The following PCDHA12 variants were observed in gnomAD, a reference collection of about 807,000 sequenced individuals.
The protein encoded by PCDHA12 is protocadherin alpha 12.
In PCDHA12, 44 loss-of-function variants were observed where a neutral mutation model predicts 60.0. The observed-to-expected ratio is 0.73, with a 90% CI of 0.58 to 0.94. The LOEUF (loss-of-function observed/expected upper bound fraction) is 0.94. Ranked by LOEUF, PCDHA12 falls within the 40% of genes least tolerant of loss-of-function variation. The probability of loss-of-function intolerance (pLI) is 0.00; values close to 1 mark genes in which losing one functional copy is unlikely to be tolerated. For missense variants in PCDHA12, 1,276 were observed against 1,239.7 expected (o/e 1.03, Z -0.44); for synonymous variants, 569 against 553.0 (o/e 1.03, Z -0.40).
chr5:140,917,724 G>C (rs2078325058), intron 1 of PCDHA12, among the ~76,000 whole-genome samples: 1 of 152,080 alleles, frequency 6.6e-6, no homozygotes, highest in East Asian at 1.9e-4. Flanking sequence ...CTTTATTTCT[G>C]GGTTCTCTAA....
intron 1 of PCDHA12, among the ~76,000 whole-genome samples, chr5:140,978,254 A>T (rs2096794173): frequency 6.6e-6 from 1 of 152,228 alleles, no homozygotes; most frequent in Non-Finnish European, 1.5e-5. Context: ...TCCCTGTTAA[A>T]CAATCAGAGC....
intron 2 of PCDHA12, among the ~76,000 whole-genome samples, chr5:140,979,303 C>A (rs1048294748): frequency 6.6e-6 from 1 of 152,148 alleles, no homozygotes; most frequent in Non-Finnish European, 1.5e-5. Context: ...CTCCTTCATC[C>A]CTCTCTACCT....
At chr5:140,900,700 T>C (rs557185787) in intron 1 of PCDHA12, among the ~76,000 whole-genome samples, 1 of 152,352 alleles carries the variant, frequency 6.6e-6, no homozygotes, top group South Asian at 2.1e-4. Context: ...ATTTCCGTTC[T>C]TTTGGAAAGA....
chr5:140,975,058 C>T (rs1016137596), intron 1 of PCDHA12, among the ~76,000 whole-genome samples: 34 of 152,090 alleles, frequency 2.2e-4, no homozygotes, highest in African/African-American at 8.2e-4. Context: ...AATCTACTAT[C>T]GAGCTCATTC....
In PCDHA12 at chr5:141,010,015, C is replaced by G; in HGVS notation, c.*78C>G. On this transcript the variant is annotated 3_prime_UTR_variant, in exon 4 of 4. Transcript: ENST00000398631. ...CTCTCCCATGTAGCAATTCCCTGCT[C>G]CTTTTTCCTATCTACATGAGCCCTC... is the stretch of plus-strand genomic sequence containing the variant. 6.4e-7 allele frequency: 1 copy of G among 1,572,182 alleles called. No homozygotes were observed. Among genetic ancestry groups the G allele is most frequent in the Non-Finnish European group, 8.6e-7 (1 of 1,163,250 alleles).
intron 1 of PCDHA12, chr5:140,968,431 G>T: frequency 6.2e-7 from 1 of 1,613,980 alleles, no homozygotes; most frequent in South Asian, 1.1e-5. Flanking sequence ...AGGACAAGGG[G>T]AGCCCACCAC....
rs1333362831 is a variant in PCDHA12 at position 140,976,454 on chromosome 5, GGAA to G, written c.2368-2488_2368-2486del. Among the ~76,000 whole-genome samples, 4 of 152,214 alleles carry G rather than the reference GGAA, an allele frequency of 2.6e-5. No individual in the cohort carries two copies. The East Asian group carries it at 7.7e-4, about 29-fold the overall frequency. On this transcript the variant is annotated intron_variant, in intron 1 of 3. Transcript: ENST00000398631. Reference sequence around the variant, plus strand: ...TAATCCCAGCTACTAGGGAGGCTGGGGAAGAAGAATTGCTTGAATCCGGGAGGC... The same window carrying G: ...TAATCCCAGCTACTAGGGAGGCTGGGGAAGAATTGCTTGAATCCGGGAGGC...
intron 1 of PCDHA12, among the ~76,000 whole-genome samples, chr5:140,916,342 T>C (rs1365738177): frequency 2.0e-5 from 3 of 152,122 alleles, no homozygotes; most frequent in Admixed American, 6.5e-5. Context: ...TTCCTCTGTT[T>C]CTGTCAAACA....
At position 140,918,968 on chromosome 5, in the gene PCDHA12, G is replaced by A. The variant is rs1028863089; in HGVS notation, c.2367+41129G>A. Among the ~76,000 whole-genome samples, 5 of 152,196 alleles carry A rather than the reference G, an allele frequency of 3.3e-5. 1 individual carries two copies. The highest frequency in any genetic ancestry group is 5.9e-5 in the Non-Finnish European group (4 of 68,034). On this transcript the variant is annotated intron_variant, in intron 1 of 3. Transcript: ENST00000398631. ...TCCTGAACAGACTAAGACAGATATC[G>A]TTTAGGTTAGTTGGTTTTTAGTGTT...
intron 3 of PCDHA12, among the ~76,000 whole-genome samples, chr5:140,990,137 G>C (rs548002411): frequency 2.0e-4 from 31 of 152,224 alleles, no homozygotes; most frequent in African/African-American, 7.2e-4. Context: ...TCAGACTCAA[G>C]AGGCATAATA....
At chr5:140,877,942 C>G (rs1274042326) in intron 1 of PCDHA12, 103 bp downstream of exon 1, 1 of 1,367,756 alleles carries the variant, frequency 7.3e-7, no homozygotes, top group African/African-American at 1.5e-5. Context: ...ATCCTTTAAA[C>G]TATCGAATGT....
Position 140,903,378 on chromosome 5 carries a change from G to T in PCDHA12, c.2367+25539G>T, listed in dbSNP as rs938741904. Among the ~76,000 whole-genome samples, 3 of 152,196 alleles carry T rather than the reference G, an allele frequency of 2.0e-5. No homozygotes were observed. In the South Asian group the frequency reaches 6.2e-4, roughly 32 times the overall value. On this transcript the variant is annotated intron_variant, in intron 1 of 3. Coordinates refer to ENST00000398631, the MANE Select transcript of PCDHA12 (RefSeq NM_018903.4). Reference sequence around the variant, plus strand: ...GTTTTTCAAAAATATAGGGAGGATTGTGGTTACTTCTAGAAACAGTAGTGC... The same window carrying T: ...GTTTTTCAAAAATATAGGGAGGATTTTGGTTACTTCTAGAAACAGTAGTGC...
intron 1 of PCDHA12, chr5:140,928,319 AG>A: frequency 6.2e-7 from 1 of 1,614,200 alleles, no homozygotes. Flanking sequence ...GACCTGGGGA[AG>A]AATGGCCTTG....
At chr5:140,927,610 A>C in intron 1 of PCDHA12, 2 of 1,614,162 alleles carry the variant, frequency 1.2e-6, no homozygotes, top group Non-Finnish European at 1.7e-6. Flanking sequence ...CGTATACCGC[A>C]CCAAGGTTCC....
intron 1 of PCDHA12, among the ~76,000 whole-genome samples, chr5:140,899,594 G>A (rs1583347259): frequency 1.3e-5 from 2 of 152,238 alleles, no homozygotes; most frequent in Non-Finnish European, 2.9e-5. Flanking sequence ...GTATTTTATT[G>A]AGGACTTTTG....
At chr5:140,978,903 C>T in intron 1 of PCDHA12, 46 bp from the exon 2 acceptor site, 4 of 1,613,202 alleles carry the variant, frequency 2.5e-6, no homozygotes, top group Middle Eastern at 1.7e-4. Flanking sequence ...CCTGGGAGAA[C>T]ATTGTCTTGT....
At chr5:141,009,019 C>A (rs1160022658) in intron 3 of PCDHA12, among the ~76,000 whole-genome samples, 1 of 152,232 alleles carries the variant, frequency 6.6e-6, no homozygotes, top group Non-Finnish European at 1.5e-5. Context: ...CCTTTAGGCT[C>A]TGTATTTCCC....
At chr5:140,903,563 T>G (rs1459855021) in intron 1 of PCDHA12, among the ~76,000 whole-genome samples, 1 of 152,208 alleles carries the variant, frequency 6.6e-6, no homozygotes, top group African/African-American at 2.4e-5. Context: ...ATAAGTGGAA[T>G]TGGGAGCTGT....
chr5:140,918,868 T>C (rs1584116749), intron 1 of PCDHA12, among the ~76,000 whole-genome samples: 1 of 152,216 alleles, frequency 6.6e-6, no homozygotes, highest in Admixed American at 6.5e-5. Context: ...TCATGAACTT[T>C]CAAGCCTCTA....
Sources: allele counts gnomAD v4.1 joint callset (sites outside exome capture counted in the v4.1 genomes callset), GRCh38; gene constraint gnomAD v4.1.1; transcripts MANE v1.5; gene names NCBI Gene and HGNC (gene_info 2026-07-23, HGNC 2026-07-21).